GAN: variants seen among roughly 807,000 people sequenced by gnomAD.
The protein encoded by GAN is epididymis secretory sperm binding protein.
A neutral mutation model predicts 71.3 loss-of-function variants in GAN; 48 were observed. That is an observed-to-expected ratio of 0.67 (90% CI 0.53 to 0.86). The LOEUF is 0.86. Ranked by LOEUF, GAN falls within the 40% of genes least tolerant of loss-of-function variation. The pLI, the probability that GAN is intolerant of heterozygous loss-of-function variation, is 0.00. For missense variants in GAN, 928 were observed against 770.1 expected, an observed-to-expected ratio of 1.21 and a Z score of -2.43; for synonymous variants, 386 against 276.8, an observed-to-expected ratio of 1.39 and a Z score of -3.92.
At chr16:81,318,439 G>A (rs1909117754) in intron 1 of GAN, among the ~76,000 whole-genome samples, 2 of 152,148 alleles carry the variant, frequency 1.3e-5, no homozygotes, top group East Asian at 1.9e-4. Flanking sequence ...GAGGCGGGAG[G>A]ATCGTTTGAG....
At chr16:81,358,867 C>G (rs921115265) in intron 5 of GAN, among the ~76,000 whole-genome samples, 1 of 152,170 alleles carries the variant, frequency 6.6e-6, no homozygotes, top group Non-Finnish European at 1.5e-5. Context: ...TCATGTCATC[C>G]TAATTGTGGT....
At chr16:81,357,604 T>C (rs1910533622) in intron 4 of GAN, among the ~76,000 whole-genome samples, 1 of 152,208 alleles carries the variant, frequency 6.6e-6, no homozygotes, top group Non-Finnish European at 1.5e-5. Flanking sequence ...TGATTTATAG[T>C]CCTTTGGGTA....
intron 1 of GAN, among the ~76,000 whole-genome samples, chr16:81,329,076 G>T (rs975459539): frequency 6.6e-5 from 10 of 152,210 alleles, no homozygotes; most frequent in Admixed American, 1.3e-4. Flanking sequence ...TGATTTACAT[G>T]CCAATCTTCT....
Position 81,356,912 on chromosome 16 carries a change from G to A in GAN, c.761G>A (p.Ser254Asn), listed in dbSNP as rs748422716. 3.8e-5 allele frequency: 62 copies of A among 1,613,938 alleles called. No individual in the cohort carries two copies. The highest frequency in any genetic ancestry group is 5.2e-5 in the Non-Finnish European group (61 of 1,179,870). Residue 254 changes from serine (S) to asparagine (N), a missense_variant, in exon 4 of 11, where the codon AGC becomes AAC. Physicochemically the swap from Ser to Asn is conservative, Grantham distance 46. Transcript: ENST00000648994. ...AAAGAGTGTAGCAATATACCGCTCA[G>A]CCAGCCGCAGCAAGGGGAGGCGATG... ...IVKECSNIPLSQPQQGEAMLA... is the reference protein window; with the variant it reads ...IVKECSNIPLNQPQQGEAMLA...
intron 1 of GAN, among the ~76,000 whole-genome samples, chr16:81,330,223 C>T (rs1909529861): frequency 1.3e-5 from 2 of 152,224 alleles, no homozygotes; most frequent in African/African-American, 4.8e-5. Flanking sequence ...CACACTGCTG[C>T]CGCCAGAGTG....
chr16:81,348,303 C>A (rs1281091158), intron 1 of GAN, among the ~76,000 whole-genome samples: 1 of 152,174 alleles, frequency 6.6e-6, no homozygotes, highest in African/African-American at 2.4e-5. Context: ...GTTTTATGTA[C>A]ACAATATCCT....
rs1410762188 is a variant in GAN at position 81,386,378 on chromosome 16, A to C, written c.*8782A>C. On this transcript the variant is annotated 3_prime_UTR_variant, in exon 11 of 11. Coordinates refer to ENST00000648994, the MANE Select transcript of GAN (RefSeq NM_022041.4). ...TTAACTTGGATGTTACATGAAACTT[A>C]AAAACAAACAAATATGTGTTACAAG... 6.6e-6 allele frequency: 1 copy of C among 152,246 alleles called. No individual in the cohort carries two copies. The highest frequency in any genetic ancestry group is 2.4e-5 in the African/African-American group (1 of 41,466). The allele number at this position is 152,246 out of a possible 1,614,324, so 9.4% of individuals were successfully genotyped here.
At chr16:81,334,680 A>T (rs1195981984) in intron 1 of GAN, among the ~76,000 whole-genome samples, 1 of 152,154 alleles carries the variant, frequency 6.6e-6, no homozygotes, top group East Asian at 1.9e-4. Flanking sequence ...TGGGGCCGAT[A>T]TGGAGAGAAA....
rs952042496 is a variant in GAN at position 81,363,740 on chromosome 16, C to T, written c.1087-54C>T. On this transcript the variant is annotated intron_variant, in intron 6 of 10. Transcript: ENST00000648994. ...TTTTTATTAAGTGTATGAATATCAGCTTTCAATATGATCATTGGCCTTGTG... is the reference window on the plus strand; with the variant it reads ...TTTTTATTAAGTGTATGAATATCAGTTTTCAATATGATCATTGGCCTTGTG... 1.1e-5 allele frequency: 17 copies of T among 1,559,688 alleles called. No individual in the cohort carries two copies. In the African/African-American group the frequency reaches 2.2e-4, roughly 20 times the overall value.
intron 2 of GAN, among the ~76,000 whole-genome samples, chr16:81,353,300 A>AC (rs1205732939): frequency 6.6e-6 from 1 of 151,870 alleles, no homozygotes; most frequent in Non-Finnish European, 1.5e-5. Flanking sequence ...TCAAAAAAAA[A>AC]AAAAAACGAT....
At chr16:81,326,978 C>A (rs1158202464) in intron 1 of GAN, among the ~76,000 whole-genome samples, 1 of 152,182 alleles carries the variant, frequency 6.6e-6, no homozygotes, top group Non-Finnish European at 1.5e-5. Flanking sequence ...AACTTTCTGC[C>A]ATAGCATTTT....
intron 6 of GAN, among the ~76,000 whole-genome samples, chr16:81,362,937 C>G (rs1910726854): frequency 6.6e-6 from 1 of 152,208 alleles, no homozygotes; most frequent in Non-Finnish European, 1.5e-5. Flanking sequence ...CTTTCCTGTC[C>G]CCGTCTTCGT....
chr16:81,357,303 G>T (rs1910522946), intron 4 of GAN, among the ~76,000 whole-genome samples: 1 of 152,010 alleles, frequency 6.6e-6, no homozygotes, highest in South Asian at 2.1e-4. Flanking sequence ...TCCCCTTCCT[G>T]TGTCCATGTG....
At chr16:81,329,069 T>A (rs1909484155) in intron 1 of GAN, among the ~76,000 whole-genome samples, 1 of 152,296 alleles carries the variant, frequency 6.6e-6, no homozygotes, top group Middle Eastern at 3.4e-3. Context: ...ATAATGATGA[T>A]TTACATGCCA....
rs2608556 is a variant in GAN, at chr16:81,366,927, C to G, written c.1502+1449C>G. ...GCACCATCTGCCTCCCGGGTTCAAG[C>G]GATTCTTCCACCTCGGCCTCCCAAG... On this transcript the variant is annotated intron_variant, in intron 9 of 10. Coordinates refer to ENST00000648994, the MANE Select transcript of GAN (RefSeq NM_022041.4). 6.6e-5 allele frequency among the ~76,000 whole-genome samples: 10 copies of G among 152,174 alleles called. No homozygotes were observed. The South Asian group carries it at 1.9e-3, about 28-fold the overall frequency.
At chr16:81,344,774 C>T (rs1910060937) in intron 1 of GAN, among the ~76,000 whole-genome samples, 1 of 152,022 alleles carries the variant, frequency 6.6e-6, no homozygotes, top group African/African-American at 2.4e-5. Context: ...AATTAAAGAA[C>T]TTCTGCACAG....
intron 1 of GAN, among the ~76,000 whole-genome samples, chr16:81,344,052 C>T (rs541179615): frequency 6.6e-6 from 1 of 152,118 alleles, no homozygotes; most frequent in Non-Finnish European, 1.5e-5. Context: ...ATACAACTTA[C>T]AAGGGATGTG....
At position 81,315,089 on chromosome 16, in the gene GAN, C is replaced by T. The variant is rs745322033; in HGVS notation, c.-25C>T. On this transcript the variant is annotated 5_prime_UTR_variant, in exon 1 of 11. Transcript: ENST00000648994. The stretch of plus-strand genomic sequence containing the variant: ...GCCGGACGGTGTCGGGAGCCGGACC[C>T]GTCGGCAGAGGAGCGGGCGCCGCGA... 3 of 1,468,714 alleles carry T rather than the reference C, an allele frequency of 2.0e-6. No individual in the cohort carries two copies. Among genetic ancestry groups the T allele is most frequent in the South Asian group, 1.3e-5 (1 of 76,336 alleles). 91.0% of individuals were successfully genotyped at this position (1,468,714 alleles called of 1,614,324 possible).
At chr16:81,336,000 G>C (rs1402454115) in intron 1 of GAN, among the ~76,000 whole-genome samples, 1 of 152,108 alleles carries the variant, frequency 6.6e-6, no homozygotes, top group East Asian at 1.9e-4. Context: ...ACCAGTGTGA[G>C]GCTGATGGTG....
Sources: gnomAD v4.1 joint callset for allele counts (sites outside exome capture counted in the v4.1 genomes callset) on GRCh38, gnomAD v4.1.1 for gene constraint, MANE v1.5 for transcripts, NCBI Gene and HGNC (gene_info 2026-07-23, HGNC 2026-07-21) for gene names.